Variants in GRIK4 observed in about 807,000 individuals in gnomAD.
The protein encoded by GRIK4 is glutamate ionotropic receptor kainate type subunit 4, also known as glutamate receptor ionotropic, kainate 4.
A neutral mutation model predicts 104.9 loss-of-function variants in GRIK4; 40 were observed. The ratio of observed to expected loss-of-function variants is 0.38; its 90% confidence interval spans 0.30 to 0.50. The LOEUF (loss-of-function observed/expected upper bound fraction) is 0.50. GRIK4 is among the 20% of genes least tolerant of loss of function. The probability of loss-of-function intolerance (pLI) is 0.93; values close to 1 mark genes in which losing one functional copy is unlikely to be tolerated. For synonymous variants in GRIK4, 485 were observed against 524.9 expected (o/e 0.92, Z 1.04); for missense variants, 1,047 against 1,308.1 (o/e 0.80, Z 3.08).
intron 3 of GRIK4, among the ~76,000 whole-genome samples, chr11:120,780,645 C>T (rs577217259): frequency 5.9e-5 from 9 of 152,212 alleles, no homozygotes; most frequent in Non-Finnish European, 1.0e-4. Context: ...TATATACCCA[C>T]AAGTGGTATT....
intron 1 of GRIK4, among the ~76,000 whole-genome samples, chr11:120,532,435 G>T (rs898288354): frequency 1.4e-4 from 21 of 152,214 alleles, no homozygotes; most frequent in Non-Finnish European, 4.4e-5. Context: ...CCTCTCAGAG[G>T]GGGAGAGGGT....
rs536338419 is a variant in GRIK4, at chr11:120,937,567, C to T, written c.1477-2780C>T. Among the ~76,000 whole-genome samples the T allele has an allele frequency of 7.2e-5, 11 of 152,322 alleles. No homozygotes were observed. In the East Asian group the frequency reaches 1.5e-3, roughly 21 times the overall value. On this transcript the variant is annotated intron_variant, in intron 13 of 20. Coordinates refer to ENST00000527524, the MANE Select transcript of GRIK4 (RefSeq NM_014619.5). ...CCTTCCCTGCCTCCCTTTCCCCCAG[C>T]GTCCTCTTGACCGGGGACAAAGGAA...
chr11:120,776,261 C>T (rs1420743414), intron 3 of GRIK4, among the ~76,000 whole-genome samples: 3 of 152,154 alleles, frequency 2.0e-5, no homozygotes, highest in South Asian at 2.1e-4. Flanking sequence ...TCTGGGACCG[C>T]GTGGACCAGA....
intron 1 of GRIK4, among the ~76,000 whole-genome samples, chr11:120,571,107 A>G (rs1374662678): frequency 6.6e-6 from 1 of 152,156 alleles, no homozygotes; most frequent in African/African-American, 2.4e-5. Flanking sequence ...CTTGCCTTGT[A>G]GGCCTGGTGC....
At chr11:120,632,205 A>T (rs1202577160) in intron 1 of GRIK4, among the ~76,000 whole-genome samples, 1 of 152,250 alleles carries the variant, frequency 6.6e-6, no homozygotes, top group South Asian at 2.1e-4. Flanking sequence ...TCTTTCCACC[A>T]TGTGAAGATA....
At chr11:120,695,017 C>T (rs965925437) in intron 3 of GRIK4, among the ~76,000 whole-genome samples, 23 of 152,124 alleles carry the variant, frequency 1.5e-4, no homozygotes, top group African/African-American at 1.2e-4. Flanking sequence ...AAAAGAATCC[C>T]GAGCCTCAGC....
chr11:120,806,166 T>G (rs1952707758), intron 4 of GRIK4, among the ~76,000 whole-genome samples: 1 of 152,186 alleles, frequency 6.6e-6, no homozygotes, highest in South Asian at 2.1e-4. Flanking sequence ...CTTCATTCTC[T>G]CACCCCACAT....
intron 12 of GRIK4, among the ~76,000 whole-genome samples, chr11:120,901,122 G>A (rs527815743): frequency 1.2e-4 from 19 of 152,196 alleles, no homozygotes; most frequent in South Asian, 2.1e-4. Flanking sequence ...CCTGTCCCCC[G>A]ACCCTCCTGT....
In GRIK4 at chr11:120,985,642, AG is replaced by A. The variant is rs1426830295; in HGVS notation, c.2515-261del. Among the ~76,000 whole-genome samples, 494 of 94,290 alleles carry A rather than the reference AG, an allele frequency of 5.2e-3. 2 individuals are homozygous for A. The highest frequency in any genetic ancestry group is 0.013 in the African/African-American group (290 of 22,874). 61.9% of individuals were successfully genotyped at this position (94,290 alleles called of 152,430 possible). Reference sequence around the variant, plus strand: ...TGGAAATGTGCAAAAAAAAAAAAAAAGTGAGATCATTGTCTTTGAAGGTGTT... The same window carrying A: ...TGGAAATGTGCAAAAAAAAAAAAAAATGAGATCATTGTCTTTGAAGGTGTT... On this transcript the variant is annotated intron_variant, in intron 20 of 20. Coordinates refer to ENST00000527524, the MANE Select transcript of GRIK4 (RefSeq NM_014619.5).
chr11:120,951,248 G>A (rs1943993543), intron 14 of GRIK4, among the ~76,000 whole-genome samples: 1 of 152,146 alleles, frequency 6.6e-6, no homozygotes. Flanking sequence ...GAAGAGGAGC[G>A]GAAAATCACC....
intron 13 of GRIK4, among the ~76,000 whole-genome samples, chr11:120,923,061 G>C (rs1027130101): frequency 2.0e-5 from 3 of 152,244 alleles, no homozygotes; most frequent in Non-Finnish European, 2.9e-5. Flanking sequence ...CGACAGAACA[G>C]TGGGACAGAG....
intron 1 of GRIK4, among the ~76,000 whole-genome samples, chr11:120,646,934 A>G (rs6589826): frequency 0.53 from 81,228 of 152,098 alleles, 23,556 homozygotes; most frequent in Non-Finnish European, 0.64. Flanking sequence ...CTCCTATTTT[A>G]TGGGAAAGTA....
chr11:120,828,701 C>A (rs1318931776), intron 6 of GRIK4, among the ~76,000 whole-genome samples: 2 of 152,248 alleles, frequency 1.3e-5, no homozygotes, highest in South Asian at 2.1e-4. Flanking sequence ...CAATTCTGGG[C>A]GGGATGCGGA....
chr11:120,966,670 C>A (rs1170162542), intron 18 of GRIK4, among the ~76,000 whole-genome samples: 3 of 152,152 alleles, frequency 2.0e-5, no homozygotes, highest in Admixed American at 6.5e-5. Flanking sequence ...CCGTGCCTGG[C>A]TGTGAGAAAT....
chr11:120,715,580 A>G (rs915860927), intron 3 of GRIK4, among the ~76,000 whole-genome samples: 2 of 151,194 alleles, frequency 1.3e-5, no homozygotes, highest in African/African-American at 4.9e-5. Context: ...TTTCCCCTCC[A>G]TGTTTCCTTT....
chr11:120,533,387 C>T (rs1189356101), intron 1 of GRIK4, among the ~76,000 whole-genome samples: 1 of 152,202 alleles, frequency 6.6e-6, no homozygotes, highest in East Asian at 1.9e-4. Context: ...AACAACCCTG[C>T]ATACAGGTAC....
chr11:120,604,173 A>C (rs936108211), intron 1 of GRIK4, among the ~76,000 whole-genome samples: 1 of 33,306 alleles, frequency 3.0e-5, no homozygotes, highest in Non-Finnish European at 8.0e-5. Flanking sequence ...CTCCTTCTCA[A>C]AAAAAAAAAA....
chr11:120,789,285 CA>C lies in GRIK4; in HGVS notation c.83-13401del, dbSNP rs558443075. 9.2e-5 allele frequency among the ~76,000 whole-genome samples: 14 copies of C among 151,980 alleles called. 1 individual carries two copies. The highest frequency in any genetic ancestry group is 2.0e-4 in the Admixed American group (3 of 15,276). ...CATTATCTTTGCCCTTCTCCAAAAA[CA>C]AAAAAAGAACAATCTTCCTCTCTAT... On this transcript the variant is annotated intron_variant, in intron 3 of 20. Coordinates refer to ENST00000527524, the MANE Select transcript of GRIK4 (RefSeq NM_014619.5).
chr11:120,822,876 A>G (rs1029983551), intron 6 of GRIK4, among the ~76,000 whole-genome samples: 1 of 152,226 alleles, frequency 6.6e-6, no homozygotes, highest in Non-Finnish European at 1.5e-5. Flanking sequence ...TCTTTCAAAT[A>G]AGTTTGACCA....
Sources: gnomAD v4.1 joint callset for allele counts (sites outside exome capture counted in the v4.1 genomes callset) on GRCh38, gnomAD v4.1.1 for gene constraint, MANE v1.5 for transcripts, NCBI Gene and HGNC (gene_info 2026-07-23, HGNC 2026-07-21) for gene names.